UBE2O: variants seen among roughly 807,000 people sequenced by gnomAD.
UBE2O encodes ubiquitin conjugating enzyme E2 O.
Under a neutral mutation model 125.8 loss-of-function variants are expected in UBE2O, and 15 were observed. That is an observed-to-expected ratio of 0.12 (90% CI 0.08 to 0.18). UBE2O has a LOEUF of 0.18. UBE2O is among the 10% of genes least tolerant of loss of function. The pLI is 1.00. For missense variants in UBE2O, 1,280 were observed against 1,723.6 expected, an observed-to-expected ratio of 0.74 and a Z score of 4.56; for synonymous variants, 708 against 703.2, an observed-to-expected ratio of 1.01 and a Z score of -0.11.
rs1359868689 is a variant in UBE2O at position 76,405,398 on chromosome 17, G to A, written c.478-82C>T. On this transcript the variant is annotated intron_variant, in intron 2 of 17. Coordinates refer to ENST00000319380, the MANE Select transcript of UBE2O (RefSeq NM_022066.4). The surrounding 1 kb of genome is among the most constrained non-coding windows in gnomAD (Gnocchi z 6.1). ...GAGACCCAGCCCAGGCAACCCCAGCGCACCCCCTGCAGAGCTGGCCAGTTC... is the reference window on the plus strand; with the variant it reads ...GAGACCCAGCCCAGGCAACCCCAGCACACCCCCTGCAGAGCTGGCCAGTTC... 2 of 1,494,232 alleles carry A rather than the reference G, an allele frequency of 1.3e-6. No individual in the cohort carries two copies. The highest frequency in any genetic ancestry group is 2.3e-5 in the East Asian group (1 of 43,372). 92.6% of individuals were successfully genotyped at this position (1,494,232 alleles called of 1,614,324 possible). A position where few individuals can be genotyped will look rare whatever the true frequency, so the allele number is the denominator to read the frequency against.
Position 76,399,352 on chromosome 17 carries a change from G to C in UBE2O, c.1628+97C>G. On this transcript the variant is annotated intron_variant, in intron 9 of 17. Transcript: ENST00000319380. The surrounding 1 kb of genome is among the most constrained non-coding windows in gnomAD (Gnocchi z 6.9). Reference sequence around the variant, plus strand: ...CCGGAGCCACTACAAGGCATGCAGAGGTGTGTGTGCGAGCGCAGGCACGCA... The same window carrying C: ...CCGGAGCCACTACAAGGCATGCAGACGTGTGTGTGCGAGCGCAGGCACGCA... 8.1e-7 allele frequency: 1 copy of C among 1,228,942 alleles called. No homozygotes were observed. The highest frequency in any genetic ancestry group is 1.2e-6 in the Non-Finnish European group (1 of 858,816). The allele number at this position is 1,228,942 out of a possible 1,614,324, so 76.1% of individuals were successfully genotyped here. A position where few individuals can be genotyped will look rare whatever the true frequency, so the allele number is the denominator to read the frequency against.
In UBE2O at chr17:76,396,921, G is replaced by T; in HGVS notation, c.2116-100C>A. 1 of 1,116,636 alleles carries T rather than the reference G, an allele frequency of 9.0e-7. No homozygotes were observed. Among genetic ancestry groups the T allele is most frequent in the Non-Finnish European group, 1.3e-6 (1 of 793,470 alleles). The allele number at this position is 1,116,636 out of a possible 1,614,324, so 69.2% of individuals were successfully genotyped here. A position where few individuals can be genotyped will look rare whatever the true frequency, so the allele number is the denominator to read the frequency against. On this transcript the variant is annotated intron_variant, in intron 13 of 17. Coordinates refer to ENST00000319380, the MANE Select transcript of UBE2O (RefSeq NM_022066.4). The surrounding 1 kb of genome is among the most constrained non-coding windows in gnomAD (Gnocchi z 6.7). Reference sequence around the variant, plus strand: ...ATCCCTGATCCGCACAGCTGATGGCGACTGGGCTCATGAGGCCTTGGCAAC... The same window carrying T: ...ATCCCTGATCCGCACAGCTGATGGCTACTGGGCTCATGAGGCCTTGGCAAC...
Position 76,399,038 on chromosome 17 carries a change from C to G in UBE2O, c.1629-47G>C. ...CAGGCCATGCAAACCCCACCCCCTC[C>G]GCGGAAAGGGCAGAGAGTCTTTCTG... is the stretch of plus-strand genomic sequence containing the variant. On this transcript the variant is annotated intron_variant, in intron 9 of 17. Coordinates refer to ENST00000319380, the MANE Select transcript of UBE2O (RefSeq NM_022066.4). The surrounding 1 kb of genome is among the most constrained non-coding windows in gnomAD (Gnocchi z 6.9). 6.3e-7 allele frequency: 1 copy of G among 1,599,468 alleles called. No individual in the cohort carries two copies.
At chr17:76,409,878 G>A (rs1379115410) in intron 1 of UBE2O, among the ~76,000 whole-genome samples, 3 of 152,190 alleles carry the variant, frequency 2.0e-5, no homozygotes, top group South Asian at 2.1e-4. Context: ...ACAGACAGAC[G>A]CAGAGAAGGT....
intron 1 of UBE2O, among the ~76,000 whole-genome samples, chr17:76,427,503 CAT>C (rs1048313469): frequency 5.3e-5 from 8 of 152,202 alleles, no homozygotes; most frequent in Non-Finnish European, 1.2e-4. Context: ...ATCGCTGACT[CAT>C]GTTCTAATTT....
In UBE2O at chr17:76,405,633, T is replaced by C. The variant is rs1048879850; in HGVS notation, c.418-61A>G. 4 of 1,416,748 alleles carry C rather than the reference T, an allele frequency of 2.8e-6. No homozygotes were observed. Among genetic ancestry groups the C allele is most frequent in the Non-Finnish European group, 3.9e-6 (4 of 1,025,000 alleles). The allele number at this position is 1,416,748 out of a possible 1,614,324, so 87.8% of individuals were successfully genotyped here. A position where few individuals can be genotyped will look rare whatever the true frequency, so the allele number is the denominator to read the frequency against. On this transcript the variant is annotated intron_variant, in intron 1 of 17. Coordinates refer to ENST00000319380, the MANE Select transcript of UBE2O (RefSeq NM_022066.4). The surrounding 1 kb of genome is among the most constrained non-coding windows in gnomAD (Gnocchi z 6.1). ...CTGAAGCCACCACAGAATACAGTTT[T>C]CTTCCAGCTTCTGAAGGAAAGCGTC...
Position 76,423,625 on chromosome 17 carries a change from G to A in UBE2O, c.418-18053C>T, listed in dbSNP as rs1345421375. Among the ~76,000 whole-genome samples, 3 of 149,812 alleles carry A rather than the reference G, an allele frequency of 2.0e-5. No homozygotes were observed. The East Asian group carries it at 6.0e-4, about 30-fold the overall frequency. Reference sequence around the variant, plus strand: ...GGAAAATCGCTTGAACCTGGGAGGCGGAGCTTGCAGTGAGCCGAGATCACA... The same window carrying A: ...GGAAAATCGCTTGAACCTGGGAGGCAGAGCTTGCAGTGAGCCGAGATCACA... On this transcript the variant is annotated intron_variant, in intron 1 of 17. Coordinates refer to ENST00000319380, the MANE Select transcript of UBE2O (RefSeq NM_022066.4).
At chr17:76,393,396 G>A (rs140919927) in intron 15 of UBE2O, among the ~76,000 whole-genome samples, 42 of 151,640 alleles carry the variant, frequency 2.8e-4, no homozygotes, top group African/African-American at 7.7e-4. Flanking sequence ...CCTCACGCCC[G>A]GCTAATTTTT....
At chr17:76,392,589 C>T (rs2072131725) in intron 15 of UBE2O, among the ~76,000 whole-genome samples, 1 of 152,260 alleles carries the variant, frequency 6.6e-6, no homozygotes, top group Admixed American at 6.5e-5. Context: ...TCATTGAACC[C>T]TGGCTAAGAG....
rs1290945286 is a variant in UBE2O, at chr17:76,397,902, G to A, written c.2026-14C>T. 1 of 1,613,688 alleles carries A rather than the reference G, an allele frequency of 6.2e-7. No individual in the cohort carries two copies. Among genetic ancestry groups the A allele is most frequent in the South Asian group, 1.1e-5 (1 of 91,088 alleles). ...GCCCACCGATGGCTGCTGGGCAAAG[G>A]GGACAAAGTCAGGGGGCCCAGCTCA... On this transcript the variant is annotated splice_polypyrimidine_tract_variant and intron_variant, in intron 12 of 17. Coordinates refer to ENST00000319380, the MANE Select transcript of UBE2O (RefSeq NM_022066.4).
Position 76,393,085 on chromosome 17 carries a change from C to T in UBE2O, c.2947-972G>A, listed in dbSNP as rs549247080. Among the ~76,000 whole-genome samples, 10 of 151,658 alleles carry T rather than the reference C, an allele frequency of 6.6e-5. No individual in the cohort carries two copies. The South Asian group carries it at 1.9e-3, about 29-fold the overall frequency. On this transcript the variant is annotated intron_variant, in intron 15 of 17. Transcript: ENST00000319380. ...ACCAACCTGGGCAACATAGTGGGAC[C>T]CTATCTCTACAAAAAATAAAAAATT... is the stretch of plus-strand genomic sequence containing the variant.
chr17:76,405,316 C>T lies in UBE2O; in HGVS notation c.478G>A (p.Asp160Asn), dbSNP rs148073031. 1.0e-5 allele frequency: 16 copies of T among 1,607,498 alleles called. No homozygotes were observed. The highest frequency in any genetic ancestry group is 1.3e-5 in the Non-Finnish European group (15 of 1,175,192). The change falls in exon 3 of 18, where the codon GAC (aspartate) becomes AAC (asparagine). Residue 160 changes from aspartate (D) to asparagine (N), a missense_variant and splice_region_variant. Asp to Asn is a conservative substitution (Grantham distance 23). This residue lies in a region of UBE2O where 206 missense variants were observed against 315.7 expected (regional missense o/e 0.65). Coordinates refer to ENST00000319380, the MANE Select transcript of UBE2O (RefSeq NM_022066.4). This position sits in a 1 kb window ranked among gnomAD's most constrained non-coding sequence, Gnocchi z 6.1. ...TCGATCACCGTGCCACACTGACTGT[C>T]CTGGGGGAGGGAGGAGACATGCAAG... is the stretch of plus-strand genomic sequence containing the variant. ...RDVVRHMRSTDSQCGTVIDVN... is the reference protein window; with the variant it reads ...RDVVRHMRSTNSQCGTVIDVN...
At chr17:76,442,756 A>G (rs2073093376) in intron 1 of UBE2O, among the ~76,000 whole-genome samples, 2 of 152,184 alleles carry the variant, frequency 1.3e-5, no homozygotes, top group African/African-American at 4.8e-5. Flanking sequence ...GTCCTGACAC[A>G]ATCCAGGCGA....
chr17:76,424,257 G>A (rs527845982), intron 1 of UBE2O, among the ~76,000 whole-genome samples: 13 of 125,896 alleles, frequency 1.0e-4, no homozygotes, highest in African/African-American at 3.8e-4. Flanking sequence ...TGCCCAGCCT[G>A]GAGTGCAATG....
rs1231931805 is a variant in UBE2O at position 76,396,628 on chromosome 17, T to G, written c.2309A>C (p.Glu770Ala). 1 of 1,613,072 alleles carries G rather than the reference T, an allele frequency of 6.2e-7. No homozygotes were observed. The highest frequency in any genetic ancestry group is 2.2e-5 in the East Asian group (1 of 44,858). The change falls in exon 14 of 18, where the codon GAG becomes GCG. Residue 770 changes from glutamate (E) to alanine (A), a missense_variant. Physicochemically the swap from Glu to Ala is moderately radical, Grantham distance 107. Around this residue, in one of 10 missense-constraint regions of UBE2O, gnomAD observed 210 missense variants for 268.9 expected, o/e 0.78. Transcript: ENST00000319380. The surrounding 1 kb of genome is among the most constrained non-coding windows in gnomAD (Gnocchi z 6.7). ...TTCACTGATCACCACTCCCTTGTCC[T>G]CAGGGGCCACCGGCTGCTCCAGGGG... ...IPPLEQPVAPEDKGVVISEEA... is the reference protein window; with the variant it reads ...IPPLEQPVAPADKGVVISEEA...
chr17:76,432,618 A>G (rs769411992), intron 1 of UBE2O, among the ~76,000 whole-genome samples: 3 of 152,180 alleles, frequency 2.0e-5, no homozygotes, highest in Non-Finnish European at 4.4e-5. Flanking sequence ...AAATCCCAAC[A>G]TAATGCAAAA....
In UBE2O at chr17:76,452,899, G is replaced by T; in HGVS notation, c.243C>A (p.Leu81=). The T allele has an allele frequency of 6.7e-7, 1 of 1,497,506 alleles. No homozygotes were observed. Among genetic ancestry groups the T allele is most frequent in the Non-Finnish European group, 8.9e-7 (1 of 1,122,584 alleles). The allele number at this position is 1,497,506 out of a possible 1,614,324, so 92.8% of individuals were successfully genotyped here. ...CCGAGTCCGAGTCCTCGCCGTGGATGAGGCGCACCAGCCCGAAGTGCACGG... is the reference window on the plus strand; with the variant it reads ...CCGAGTCCGAGTCCTCGCCGTGGATTAGGCGCACCAGCCCGAAGTGCACGG... The part of the protein sequence containing the change: ...RGSVHFGLVR[L]IHGEDSDSEG... The change falls in exon 1 of 18, where the codon CTC becomes CTA. Residue 81 remains leucine, a synonymous_variant. Transcript: ENST00000319380. The surrounding 1 kb of genome is among the most constrained non-coding windows in gnomAD (Gnocchi z 4.4).
rs1182300888 is a variant in UBE2O at position 76,406,573 on chromosome 17, AAAAC to A, written c.418-1005_418-1002del. Among the ~76,000 whole-genome samples the A allele has an allele frequency of 5.9e-5, 9 of 151,850 alleles. No homozygotes were observed. In the East Asian group the frequency reaches 1.5e-3, roughly 26 times the overall value. ...CACTTAAATGCTGGCAATGACAACT[AAAAC>A]AAACTCTGCTAGTAGAAGAACGTGA... On this transcript the variant is annotated intron_variant, in intron 1 of 17. Transcript: ENST00000319380.
In UBE2O at chr17:76,398,968, G is replaced by C. The variant is rs564785435; in HGVS notation, c.1652C>G (p.Thr551Arg). The C allele has an allele frequency of 6.2e-7, 1 of 1,613,996 alleles. No homozygotes were observed. Residue 551 changes from threonine (T) to arginine (R), a missense_variant, in exon 10 of 18, where the codon ACG (threonine) becomes AGG (arginine). By Grantham distance (71) the Thr-to-Arg change is moderately conservative. Around this residue, in one of 10 missense-constraint regions of UBE2O, gnomAD observed 145 missense variants for 219.6 expected, o/e 0.66. Transcript: ENST00000319380. This position sits in a 1 kb window ranked among gnomAD's most constrained non-coding sequence, Gnocchi z 5.4. ...CCACATCACGTCGGCTGAGGTCATC[G>C]TGGTCACCACCTCCACTGCCACCCT... ...GDRVAVEVVT[T>R]MTSADVMWQD...
Sources: allele counts gnomAD v4.1 joint callset (sites outside exome capture counted in the v4.1 genomes callset), GRCh38; gene constraint gnomAD v4.1.1; regional missense constraint gnomAD v4.1.1; non-coding constraint Gnocchi (gnomAD v3.1); transcripts MANE v1.5; gene names NCBI Gene and HGNC (gene_info 2026-07-23, HGNC 2026-07-21).